The following XPO7 variants were observed in gnomAD, a reference collection of about 807,000 sequenced individuals.
The protein encoded by XPO7 is exportin-7.
XPO7 carries 21 observed loss-of-function variants against 144.3 expected under a neutral mutation model. The observed-to-expected ratio is 0.15, with a 90% CI of 0.10 to 0.21. XPO7 has a LOEUF of 0.21. XPO7 is among the 10% of genes least tolerant of loss of function. XPO7 has a pLI of 1.00. For synonymous variants in XPO7, 580 were observed against 499.6 expected (o/e 1.16, Z -2.15); for missense variants, 808 against 1,325.8 (o/e 0.61, Z 6.06).
At chr8:21,996,315 T>G (rs1464907091) in intron 21 of XPO7, among the ~76,000 whole-genome samples, 1 of 152,200 alleles carries the variant, frequency 6.6e-6, no homozygotes, top group African/African-American at 2.4e-5. Flanking sequence ...CTCAGGAGGC[T>G]GAGGTAGGAA....
intron 20 of XPO7, 55 bp from the exon 21 acceptor site, chr8:21,995,437 T>C: frequency 6.7e-7 from 1 of 1,496,586 alleles, no homozygotes; most frequent in Non-Finnish European, 9.1e-7. Context: ...AAAAACTATT[T>C]TAAATTCTGT....
chr8:21,983,770 A>G (rs1263054329), intron 11 of XPO7, among the ~76,000 whole-genome samples: 1 of 152,234 alleles, frequency 6.6e-6, no homozygotes, highest in Non-Finnish European at 1.5e-5. Context: ...CCTGCCTCAT[A>G]AGGTTCTTAC....
At chr8:21,935,650 T>A (rs1458419806) in intron 1 of XPO7, among the ~76,000 whole-genome samples, 4 of 152,238 alleles carry the variant, frequency 2.6e-5, no homozygotes, top group African/African-American at 7.2e-5. Context: ...AGCATTGAAT[T>A]TTGAAGCAAG....
chr8:21,921,002 C>T (rs1180934230), intron 1 of XPO7, among the ~76,000 whole-genome samples: 1 of 152,148 alleles, frequency 6.6e-6, no homozygotes, highest in Non-Finnish European at 1.5e-5. Context: ...TAAAGTAGAT[C>T]TTCGGAGTGT....
intron 1 of XPO7, among the ~76,000 whole-genome samples, chr8:21,925,016 A>AT (rs1280613981): frequency 6.6e-6 from 1 of 152,226 alleles, no homozygotes; most frequent in Non-Finnish European, 1.5e-5. Context: ...AAGCCTGGTC[A>AT]TTGAGTTGTG....
chr8:21,962,647 T>C (rs1325429239), intron 1 of XPO7, among the ~76,000 whole-genome samples: 1 of 152,240 alleles, frequency 6.6e-6, no homozygotes, highest in African/African-American at 2.4e-5. Flanking sequence ...GTTACAGAAA[T>C]TGAAAGTCTC....
intron 5 of XPO7, among the ~76,000 whole-genome samples, chr8:21,972,856 G>A (rs920640458): frequency 1.3e-5 from 2 of 152,194 alleles, no homozygotes; most frequent in African/African-American, 4.8e-5. Context: ...TATTTCAAAT[G>A]TGTTAGCTTA....
At chr8:21,920,671 G>A (rs971937036) in intron 1 of XPO7, among the ~76,000 whole-genome samples, 6 of 152,196 alleles carry the variant, frequency 3.9e-5, no homozygotes, top group Non-Finnish European at 8.8e-5. Context: ...GAGGACTGCA[G>A]GGTTTAATTT....
intron 11 of XPO7, among the ~76,000 whole-genome samples, chr8:21,983,301 A>G (rs1355096258): frequency 1.3e-5 from 2 of 152,226 alleles, no homozygotes; most frequent in Non-Finnish European, 2.9e-5. Context: ...GTTTCTGTCT[A>G]CATTGACTTA....
intron 25 of XPO7, 45 bp from the exon 26 acceptor site, chr8:22,003,174 G>A (rs1813211828): frequency 6.8e-7 from 1 of 1,473,432 alleles, no homozygotes; most frequent in East Asian, 2.3e-5. Context: ...ATCTTGGGTA[G>A]CAATACATTA....
chr8:22,004,234 G>C (rs1276787449), intron 27 of XPO7, among the ~76,000 whole-genome samples: 1 of 152,120 alleles, frequency 6.6e-6, no homozygotes, highest in Non-Finnish European at 1.5e-5. Flanking sequence ...CTAAAATATT[G>C]TATCAGTGTG....
chr8:21,995,611 G>A lies in XPO7; in HGVS notation c.2345+12G>A. The A allele has an allele frequency of 6.4e-7, 1 of 1,573,818 alleles. No homozygotes were observed. Among genetic ancestry groups the A allele is most frequent in the Non-Finnish European group, 8.7e-7 (1 of 1,155,614 alleles). ...TTGGTTCATAATAGGTAAGCAGGAGGCAGAGCTTGCAAGGGCACATCTGCC... is the reference window on the plus strand; with the variant it reads ...TTGGTTCATAATAGGTAAGCAGGAGACAGAGCTTGCAAGGGCACATCTGCC... On this transcript the variant is annotated intron_variant, in intron 21 of 27. Transcript: ENST00000252512.
At chr8:21,938,008 A>G (rs1024429231) in intron 1 of XPO7, among the ~76,000 whole-genome samples, 3 of 152,134 alleles carry the variant, frequency 2.0e-5, no homozygotes, top group African/African-American at 7.2e-5. Flanking sequence ...CTTTCTGCAT[A>G]TATAACCCCC....
intron 1 of XPO7, among the ~76,000 whole-genome samples, chr8:21,934,985 A>T (rs1040493874): frequency 6.6e-6 from 1 of 152,330 alleles, no homozygotes; most frequent in Admixed American, 6.5e-5. Context: ...AAAAAACTTC[A>T]TATGTTTTCA....
At chr8:21,931,259 T>G (rs962693198) in intron 1 of XPO7, among the ~76,000 whole-genome samples, 2 of 151,814 alleles carry the variant, frequency 1.3e-5, no homozygotes, top group Non-Finnish European at 1.5e-5. Context: ...GCCTCCCAGG[T>G]TCAAGTGATT....
At chr8:21,955,112 C>T (rs1811492696) in intron 1 of XPO7, among the ~76,000 whole-genome samples, 1 of 152,206 alleles carries the variant, frequency 6.6e-6, no homozygotes, top group East Asian at 1.9e-4. Context: ...TGAATATTGG[C>T]ATTCTTTCTT....
intron 1 of XPO7, among the ~76,000 whole-genome samples, chr8:21,958,075 A>G (rs1325116496): frequency 6.6e-6 from 1 of 152,238 alleles, no homozygotes; most frequent in Non-Finnish European, 1.5e-5. Flanking sequence ...TTGTACAGAC[A>G]TTAATATGGA....
chr8:21,933,218 A>T (rs1810712905), intron 1 of XPO7, among the ~76,000 whole-genome samples: 1 of 148,870 alleles, frequency 6.7e-6, no homozygotes, highest in Non-Finnish European at 1.5e-5. Flanking sequence ...CTCCTGTCTC[A>T]GCCTCCTGAG....
intron 9 of XPO7, 131 bp downstream of exon 9, chr8:21,980,334 C>T: frequency 8.5e-7 from 1 of 1,172,140 alleles, no homozygotes; most frequent in Non-Finnish European, 1.1e-6. Flanking sequence ...AAGTGAATCT[C>T]TATTTGTAGG....
Sources: allele counts gnomAD v4.1 joint callset (sites outside exome capture counted in the v4.1 genomes callset), GRCh38; gene constraint gnomAD v4.1.1; transcripts MANE v1.5; gene names NCBI Gene and HGNC (gene_info 2026-07-23, HGNC 2026-07-21).